Variants in LIG4 observed in about 807,000 individuals in gnomAD.
The protein encoded by LIG4 is DNA joinase.
In LIG4, 13 loss-of-function variants were observed where a neutral mutation model predicts 19.0. The ratio of observed to expected loss-of-function variants is 0.68; its 90% confidence interval spans 0.44 to 1.09. The LOEUF (loss-of-function observed/expected upper bound fraction) is 1.09, where lower values mean the gene tolerates loss of function less well. Ranked by LOEUF, LIG4 falls within the 50% of genes least tolerant of loss-of-function variation. The pLI, the probability that LIG4 is intolerant of heterozygous loss-of-function variation, is 0.00. For missense variants in LIG4, 1,026 were observed against 1,089.7 expected, an observed-to-expected ratio of 0.94 and a Z score of 0.82; for synonymous variants, 361 against 358.2, an observed-to-expected ratio of 1.01 and a Z score of -0.09.
chr13:108,208,483 C>T lies in LIG4; in HGVS notation c.*50G>A. The T allele has an allele frequency of 8.8e-7, 1 of 1,131,722 alleles. No homozygotes were observed. The highest frequency in any genetic ancestry group is 1.3e-6 in the Non-Finnish European group (1 of 754,128). 70.1% of individuals were successfully genotyped at this position (1,131,722 alleles called of 1,614,324 possible). A position where few individuals can be genotyped will look rare whatever the true frequency, so the allele number is the denominator to read the frequency against. On this transcript the variant is annotated 3_prime_UTR_variant, in exon 3 of 3. Transcript: ENST00000442234. ...TTTAGTATTTTATCATTACCACCTG[C>T]TGCAATGAGTCTGCCAGATCAGAGG...
chr13:108,208,758 C>A lies in LIG4; in HGVS notation c.2511G>T (p.Arg837Ser), dbSNP rs1045424544. 6.2e-6 allele frequency: 10 copies of A among 1,614,056 alleles called. No individual in the cohort carries two copies. Among genetic ancestry groups the A allele is most frequent in the African/African-American group, 1.3e-5 (1 of 74,932 alleles). The change falls in exon 3 of 3, where the codon AGG becomes AGT. Residue 837 changes from arginine (R) to serine (S), a missense_variant. Arg to Ser is a moderately radical substitution (Grantham distance 110, BLOSUM62 -1). This residue lies in a region of LIG4 where 521 missense variants were observed against 515.5 expected (regional missense o/e 1.01). Transcript: ENST00000442234. The part of the protein sequence containing the change: ...NDLSTKNEGT[R>S]LAIKALELRF... Reference sequence around the variant, plus strand: ...GAAGCTCCAAGGCTTTAATAGCTAACCTTGTCCCCTCATTTTTGGTACTCA... The same window carrying A: ...GAAGCTCCAAGGCTTTAATAGCTAAACTTGTCCCCTCATTTTTGGTACTCA...
At position 108,210,320 on chromosome 13, in the gene LIG4, T is replaced by C. The variant is rs1566365677; in HGVS notation, c.949A>G (p.Asn317Asp). Residue 317 changes from asparagine to aspartate, a missense_variant, in exon 3 of 3, where the codon AAT (asparagine) becomes GAT (aspartate). Physicochemically the swap from Asn to Asp is conservative, Grantham distance 23. Transcript: ENST00000442234. ...TEGSLTPFIHNAFKADIQICI... is the reference protein window; with the variant it reads ...TEGSLTPFIHDAFKADIQICI... Reference sequence around the variant, plus strand: ...ATTTGTATATCTGCTTTGAATGCATTATGAATGAATGGGGTAAGAGAACCT... The same window carrying C: ...ATTTGTATATCTGCTTTGAATGCATCATGAATGAATGGGGTAAGAGAACCT... 6.2e-7 allele frequency: 1 copy of C among 1,613,940 alleles called. No homozygotes were observed. Among genetic ancestry groups the C allele is most frequent in the Non-Finnish European group, 8.5e-7 (1 of 1,179,858 alleles).
Position 108,207,494 on chromosome 13 carries a change from C to A in LIG4, c.*1039G>T, listed in dbSNP as rs1186110056. 2 of 151,974 alleles carry A rather than the reference C, an allele frequency of 1.3e-5. No individual in the cohort carries two copies. Among genetic ancestry groups the A allele is most frequent in the African/African-American group, 4.8e-5 (2 of 41,374 alleles). 9.4% of individuals were successfully genotyped at this position (151,974 alleles called of 1,614,324 possible). ...TAAATTAAGAAGTATAACAAAATCA[C>A]ATACATTTGTTCCACGGTTTGAATA... On this transcript the variant is annotated 3_prime_UTR_variant, in exon 3 of 3. Transcript: ENST00000442234.
At chr13:108,216,615 T>C (rs1402071974), upstream of LIG4, among the ~76,000 whole-genome samples, 1 of 152,236 alleles carries the variant, frequency 6.6e-6, no homozygotes, top group Admixed American at 6.5e-5. Flanking sequence ...TCTCATGATA[T>C]TGTTTTGTGA....
At chr13:108,211,329 AAAGAT>A (rs1878648658) in intron 2 of LIG4, 33 bp from the exon 3 acceptor site, 1 of 1,190,512 alleles carries the variant, frequency 8.4e-7, no homozygotes, top group Non-Finnish European at 1.2e-6. Flanking sequence ...ACTTTAAGTA[AAAGAT>A]AAGATTCAAC....
rs748331784 is a variant in LIG4 at position 108,210,860 on chromosome 13, A to G, written c.409T>C (p.Cys137Arg). The change falls in exon 3 of 3, where the codon TGT becomes CGT. Residue 137 changes from cysteine to arginine, a missense_variant. Around this residue, in one of 3 missense-constraint regions of LIG4, gnomAD observed 493 missense variants for 544.5 expected, o/e 0.91. Coordinates refer to ENST00000442234, the MANE Select transcript of LIG4 (RefSeq NM_206937.2). ...MIAYFVLKPR[C>R]LQKGSLTIQQ... ...ATGGTTAAACTTCCTTTCTGTAAAC[A>G]TCTTGGCTTCAACACAAAATATGCA... 1 of 1,614,028 alleles carries G rather than the reference A, an allele frequency of 6.2e-7. No homozygotes were observed. The highest frequency in any genetic ancestry group is 8.5e-7 in the Non-Finnish European group (1 of 1,179,960).
rs919693459 is a variant in LIG4, at chr13:108,209,326, T to A, written c.1943A>T (p.Asn648Ile). ...AGAAATTTTGTTAACGTTAGTAAGGTTAGGTGCTTTTAAGTGCTCAATAAT... is the reference window on the plus strand; with the variant it reads ...AGAAATTTTGTTAACGTTAGTAAGGATAGGTGCTTTTAAGTGCTCAATAAT... ...IGIIEHLKAP[N>I]LTNVNKISNI... is the part of the protein sequence containing the mutation. The change falls in exon 3 of 3, where the codon AAC (asparagine) becomes ATC (isoleucine). Residue 648 changes from asparagine to isoleucine, a missense_variant. Asn to Ile is a moderately radical substitution (Grantham distance 149). Transcript: ENST00000442234. 2.5e-6 allele frequency: 4 copies of A among 1,614,028 alleles called. No individual in the cohort carries two copies. The highest frequency in any genetic ancestry group is 8.5e-7 in the Non-Finnish European group (1 of 1,179,944).
chr13:108,215,702 T>C (rs189452010), upstream of LIG4, among the ~76,000 whole-genome samples: 68 of 151,228 alleles, frequency 4.5e-4, no homozygotes, highest in African/African-American at 1.5e-3. Flanking sequence ...GTTAGGGTCT[T>C]GAGTACACAC....
rs764095146 is a variant in LIG4, at chr13:108,211,126, T to G, written c.143A>C (p.Lys48Thr). Residue 48 changes from lysine (K) to threonine (T), a missense_variant, in exon 3 of 3, where the codon AAA becomes ACA. By Grantham distance (78) the Lys-to-Thr change is moderately conservative. This residue lies in a region of LIG4 where 493 missense variants were observed against 544.5 expected (regional missense o/e 0.91). Coordinates refer to ENST00000442234, the MANE Select transcript of LIG4 (RefSeq NM_206937.2). Reference protein sequence around the residue: ...HFREFLDSWRKFHDALHKNHK... With the variant: ...HFREFLDSWRTFHDALHKNHK... ...GTTCTTATGAAGAGCATCATGAAAT[T>G]TTCTCCAAGAATCTAAAAATTCCCT... The G allele has an allele frequency of 6.2e-7, 1 of 1,611,578 alleles. No homozygotes were observed. The highest frequency in any genetic ancestry group is 8.5e-7 in the Non-Finnish European group (1 of 1,178,208).
chr13:108,214,211 C>A (rs1341510625), intron 2 of LIG4, among the ~76,000 whole-genome samples: 1 of 152,174 alleles, frequency 6.6e-6, no homozygotes, highest in African/African-American at 2.4e-5. Flanking sequence ...AAGTATCCTT[C>A]ATGCAACCCT....
At chr13:108,215,983 GTT>G (rs111554188), upstream of LIG4, among the ~76,000 whole-genome samples, 5 of 146,532 alleles carry the variant, frequency 3.4e-5, no homozygotes, top group African/African-American at 1.2e-4. Context: ...ATATAGAGCT[GTT>G]TTTTTTTTTA....
At position 108,209,237 on chromosome 13, in the gene LIG4, G is replaced by T; in HGVS notation, c.2032C>A (p.Leu678Met). 4 of 1,614,062 alleles carry T rather than the reference G, an allele frequency of 2.5e-6. No individual in the cohort carries two copies. In the South Asian group the frequency reaches 3.3e-5, roughly 13 times the overall value. ...CCAAATTCTGCAATTCTGTTCTCCA[G>T]GTCAGGCTTTGGCTGGCTATCTGTT... Reference protein sequence around the residue: ...SGTDSQPKPDLENRIAEFGGY... With the variant: ...SGTDSQPKPDMENRIAEFGGY... Residue 678 changes from leucine (L) to methionine (M), a missense_variant, in exon 3 of 3, where the codon CTG becomes ATG. By Grantham distance (15) the Leu-to-Met change is conservative. Around this residue, in one of 3 missense-constraint regions of LIG4, gnomAD observed 521 missense variants for 515.5 expected, o/e 1.01. Coordinates refer to ENST00000442234, the MANE Select transcript of LIG4 (RefSeq NM_206937.2).
At chr13:108,211,841 G>C (rs1277652198) in intron 2 of LIG4, among the ~76,000 whole-genome samples, 1 of 152,088 alleles carries the variant, frequency 6.6e-6, no homozygotes, top group Non-Finnish European at 1.5e-5. Flanking sequence ...CAGGGCCCTT[G>C]ACCAAAAAAC....
In LIG4 at chr13:108,208,880, C is replaced by A. The variant is rs138936350; in HGVS notation, c.2389G>T (p.Ala797Ser). ...QTPEEMASLI[A>S]DLEYRYSWDC... is the part of the protein sequence containing the mutation. ...CAGGAATACCGATATTCTAAATCAG[C>A]AATCAGAGAAGCCATTTCTTCAGGA... The change falls in exon 3 of 3, where the codon GCT becomes TCT. Residue 797 changes from alanine (A) to serine (S), a missense_variant. Around this residue, in one of 3 missense-constraint regions of LIG4, gnomAD observed 521 missense variants for 515.5 expected, o/e 1.01. Transcript: ENST00000442234. The A allele has an allele frequency of 2.0e-4, 322 of 1,614,082 alleles. No individual in the cohort carries two copies. In the African/African-American group the frequency reaches 3.9e-3, roughly 20 times the overall value.
intron 2 of LIG4, among the ~76,000 whole-genome samples, chr13:108,213,588 C>T (rs903930987): frequency 7.9e-5 from 12 of 152,146 alleles, no homozygotes; most frequent in African/African-American, 2.9e-4. Flanking sequence ...TTAGGACTTC[C>T]ATTCATTTTT....
At position 108,208,004 on chromosome 13, in the gene LIG4, T is replaced by C. The variant is rs187770643; in HGVS notation, c.*529A>G. 4.8e-4 allele frequency: 74 copies of C among 152,634 alleles called. No homozygotes were observed. The highest frequency in any genetic ancestry group is 1.4e-3 in the African/African-American group (57 of 41,590). 9.5% of individuals were successfully genotyped at this position (152,634 alleles called of 1,614,324 possible). A position where few individuals can be genotyped will look rare whatever the true frequency, so the allele number is the denominator to read the frequency against. ...TTTATTGTTACATTTGGCCTTAACC[T>C]TAAAAAACAAATTTGTTTACATTTC... On this transcript the variant is annotated 3_prime_UTR_variant, in exon 3 of 3. Transcript: ENST00000442234.
chr13:108,211,258 G>A lies in LIG4; in HGVS notation c.11C>T (p.Ser4Leu), dbSNP rs746914969. 1 of 1,612,074 alleles carries A rather than the reference G, an allele frequency of 6.2e-7. No individual in the cohort carries two copies. Among genetic ancestry groups the A allele is most frequent in the Non-Finnish European group, 8.5e-7 (1 of 1,179,576 alleles). The change falls in exon 3 of 3, where the codon TCA becomes TTA. Residue 4 changes from serine (S) to leucine (L), a missense_variant. Around this residue, in one of 3 missense-constraint regions of LIG4, gnomAD observed 493 missense variants for 544.5 expected, o/e 0.91. Transcript: ENST00000442234. MAASQTSQTVASHV... is the reference protein window; with the variant it reads MAALQTSQTVASHV... ...AGATGCAACAGTTTGTGAAGTTTGT[G>A]AGGCAGCCATCAAAGCGGTGATGAA...
In LIG4 at chr13:108,210,159, C is replaced by T; in HGVS notation, c.1110G>A (p.Leu370=). 1.9e-6 allele frequency: 3 copies of T among 1,613,808 alleles called. No homozygotes were observed. Among genetic ancestry groups the T allele is most frequent in the Non-Finnish European group, 2.5e-6 (3 of 1,179,962 alleles). ...LQTCYCVFDV[L]MVNNKKLGHE... ...GCCCTAGCTTTTTATTATTAACCAT[C>T]AATACATCAAAAACACAATAACAAG... is the stretch of plus-strand genomic sequence containing the variant. The change falls in exon 3 of 3, where the codon TTG becomes TTA. Residue 370 remains leucine, a synonymous_variant. Transcript: ENST00000442234.
chr13:108,215,092 C>T (rs1209231741), intron 1 of LIG4, among the ~76,000 whole-genome samples: 21 of 84,994 alleles, frequency 2.5e-4, no homozygotes, highest in African/African-American at 1.0e-3. Context: ...CTCCACACAC[C>T]CCACACCTGC....
Sources: allele counts gnomAD v4.1 joint callset (sites outside exome capture counted in the v4.1 genomes callset), GRCh38; gene constraint gnomAD v4.1.1; regional missense constraint gnomAD v4.1.1; transcripts MANE v1.5; gene names NCBI Gene and HGNC (gene_info 2026-07-23, HGNC 2026-07-21).